The following FGF6 variants were observed in gnomAD, a reference collection of about 807,000 sequenced individuals.
The protein encoded by FGF6 is fibroblast growth factor 6.
Under a neutral mutation model 18.4 loss-of-function variants are expected in FGF6, and 14 were observed. The ratio of observed to expected loss-of-function variants is 0.76; its 90% CI spans 0.50 to 1.19. The LOEUF (loss-of-function observed/expected upper bound fraction) is 1.19. Ranked by LOEUF, FGF6 falls within the 50% of genes most tolerant of loss-of-function variation. The probability of loss-of-function intolerance (pLI) is 0.00; values close to 1 mark genes in which losing one functional copy is unlikely to be tolerated. For synonymous variants in FGF6, 125 were observed against 116.7 expected (o/e 1.07, Z -0.46); for missense variants, 266 against 271.6 (o/e 0.98, Z 0.15).
At chr12:4,435,768 G>A (rs551331848) in intron 2 of FGF6, among the ~76,000 whole-genome samples, 2 of 151,992 alleles carry the variant, frequency 1.3e-5, no homozygotes, top group Admixed American at 6.6e-5. Flanking sequence ...TCACATGAAC[G>A]CTGGACTTCC....
intron 2 of FGF6, among the ~76,000 whole-genome samples, chr12:4,436,667 C>T (rs188071044): frequency 3.2e-4 from 48 of 152,042 alleles, no homozygotes; most frequent in Non-Finnish European, 5.4e-4. Flanking sequence ...TAAGGAGACC[C>T]CTGCATGGGT....
intron 2 of FGF6, among the ~76,000 whole-genome samples, chr12:4,440,022 G>A (rs1865672559): frequency 6.6e-6 from 1 of 152,212 alleles, no homozygotes; most frequent in Admixed American, 6.5e-5. Context: ...CCTGAGCTTT[G>A]AGTTCTCATG....
chr12:4,444,668 G>A (rs1865735562), intron 1 of FGF6, among the ~76,000 whole-genome samples: 1 of 152,152 alleles, frequency 6.6e-6, no homozygotes, highest in African/African-American at 2.4e-5. Context: ...CATAGCTGAT[G>A]GCTTTCTTGG....
At chr12:4,438,587 C>T (rs756535683) in intron 2 of FGF6, among the ~76,000 whole-genome samples, 8 of 151,582 alleles carry the variant, frequency 5.3e-5, no homozygotes, top group African/African-American at 7.3e-5. Context: ...ATGGTGAAAC[C>T]GCATCTCTAC....
chr12:4,441,272 C>T (rs1302685767), intron 2 of FGF6, among the ~76,000 whole-genome samples: 1 of 152,148 alleles, frequency 6.6e-6, no homozygotes, highest in Non-Finnish European at 1.5e-5. Flanking sequence ...GTGACGTTGC[C>T]CAAAGTAAGA....
chr12:4,444,254 GC>G lies in FGF6; in HGVS notation c.347-19del. On this transcript the variant is annotated intron_variant, in intron 1 of 2. Coordinates refer to ENST00000228837, the MANE Select transcript of FGF6 (RefSeq NM_020996.3). ...CAGCAGGCCTGACAAGGAAAGGGGG[GC>G]CACATTACCTAAGGCTTGTGCAAAT... The G allele has an allele frequency of 6.5e-7, 1 of 1,541,142 alleles. No homozygotes were observed. Among genetic ancestry groups the G allele is most frequent in the Non-Finnish European group, 9.0e-7 (1 of 1,114,562 alleles).
chr12:4,445,057 A>G lies in FGF6; in HGVS notation c.346+168T>C, dbSNP rs1398679313. On this transcript the variant is annotated intron_variant, in intron 1 of 2. Coordinates refer to ENST00000228837, the MANE Select transcript of FGF6 (RefSeq NM_020996.3). The surrounding 1 kb of genome is among the most constrained non-coding windows in gnomAD (Gnocchi z 5.5). ...AACACCAGGATGCTTGGACCGCAGT[A>G]TATTGAGCTTGCACCCAGGCAGGGT... Among the ~76,000 whole-genome samples, 2 of 152,214 alleles carry G rather than the reference A, an allele frequency of 1.3e-5. No homozygotes were observed. Among genetic ancestry groups the G allele is most frequent in the Admixed American group, 6.5e-5 (1 of 15,278 alleles).
intron 2 of FGF6, 120 bp downstream of exon 2, chr12:4,444,013 A>C: frequency 1.5e-6 from 1 of 667,304 alleles, no homozygotes; most frequent in Non-Finnish European, 2.6e-6. Context: ...GGCTCCTCTC[A>C]CAGCCTTTCC....
chr12:4,438,274 C>T (rs1018280703), intron 2 of FGF6, among the ~76,000 whole-genome samples: 4 of 152,126 alleles, frequency 2.6e-5, no homozygotes, highest in Non-Finnish European at 4.4e-5. Context: ...ACTAGGAATT[C>T]TCATTTAATG....
At chr12:4,444,666 A>G (rs950206738) in intron 1 of FGF6, among the ~76,000 whole-genome samples, 1 of 152,190 alleles carries the variant, frequency 6.6e-6, no homozygotes, top group Admixed American at 6.5e-5. Flanking sequence ...ACCATAGCTG[A>G]TGGCTTTCTT....
chr12:4,441,326 C>T (rs922308101), intron 2 of FGF6, among the ~76,000 whole-genome samples: 6 of 152,118 alleles, frequency 3.9e-5, no homozygotes, highest in East Asian at 1.9e-4. Flanking sequence ...GAACTCGGGT[C>T]GCGGAGCCCT....
At chr12:4,442,699 A>C (rs1308874965) in intron 2 of FGF6, among the ~76,000 whole-genome samples, 1 of 152,174 alleles carries the variant, frequency 6.6e-6, no homozygotes, top group Non-Finnish European at 1.5e-5. Context: ...AACCTGCTCC[A>C]TCAAAACCTG....
At chr12:4,443,186 G>A (rs1865712627) in intron 2 of FGF6, among the ~76,000 whole-genome samples, 1 of 152,136 alleles carries the variant, frequency 6.6e-6, no homozygotes, top group Admixed American at 6.5e-5. Flanking sequence ...CTCCTCTGTT[G>A]GGACAGCTCC....
intron 2 of FGF6, among the ~76,000 whole-genome samples, chr12:4,438,465 G>T (rs1865648821): frequency 6.6e-6 from 1 of 152,086 alleles, no homozygotes; most frequent in Admixed American, 6.6e-5. Context: ...CAAAAACAAT[G>T]TATCTATTAA....
chr12:4,445,716 C>T lies in FGF6; in HGVS notation c.-146G>A. ...ACATGAAACCAAAGCCTCCATCGGG[C>T]ACTCGGGTTGAGAGCAGAGGGACCC... is the stretch of plus-strand genomic sequence containing the variant. On this transcript the variant is annotated 5_prime_UTR_variant, in exon 1 of 3. Transcript: ENST00000228837. The surrounding 1 kb of genome is among the most constrained non-coding windows in gnomAD (Gnocchi z 5.5). 4.4e-6 allele frequency: 3 copies of T among 688,180 alleles called. No homozygotes were observed. The highest frequency in any genetic ancestry group is 7.2e-6 in the Non-Finnish European group (3 of 417,952). The allele number at this position is 688,180 out of a possible 1,614,324, so 42.6% of individuals were successfully genotyped here.
At chr12:4,438,751 CAAAAAAAAAAAAA>C (rs386375443) in intron 2 of FGF6, among the ~76,000 whole-genome samples, 3 of 39,732 alleles carry the variant, frequency 7.6e-5, no homozygotes, top group African/African-American at 1.1e-4. Flanking sequence ...GACTCTATCT[CAAAAAAAAAAAAA>C]AAAAAAAAAA....
chr12:4,438,751 C>CAAAA lies in FGF6; in HGVS notation c.451-4364_451-4361dup, dbSNP rs386375443. On this transcript the variant is annotated intron_variant, in intron 2 of 2. Transcript: ENST00000228837. ...CTGGTGACAGAGCGAGACTCTATCT[C>CAAAA]AAAAAAAAAAAAAAAAAAAAAAAAA... 2.8e-3 allele frequency among the ~76,000 whole-genome samples: 110 copies of CAAAA among 39,712 alleles called. 27 individuals are homozygous for CAAAA. The highest frequency in any genetic ancestry group is 7.9e-3 in the Admixed American group (16 of 2,030). 26.1% of individuals were successfully genotyped at this position (39,712 alleles called of 152,430 possible). A position where few individuals can be genotyped will look rare whatever the true frequency, so the allele number is the denominator to read the frequency against.
intron 2 of FGF6, among the ~76,000 whole-genome samples, chr12:4,441,041 CTCT>C (rs1460444639): frequency 5.3e-5 from 8 of 152,226 alleles, no homozygotes; most frequent in African/African-American, 9.6e-5. Context: ...GTAAATGCGG[CTCT>C]TCTTAGTAAA....
chr12:4,435,784 C>T (rs977986608), intron 2 of FGF6, among the ~76,000 whole-genome samples: 5 of 152,162 alleles, frequency 3.3e-5, no homozygotes, highest in South Asian at 2.1e-4. Flanking sequence ...CTTCCTGTCT[C>T]GCATGCACAG....
Sources: allele counts gnomAD v4.1 joint callset (sites outside exome capture counted in the v4.1 genomes callset), GRCh38; gene constraint gnomAD v4.1.1; non-coding constraint Gnocchi (gnomAD v3.1); transcripts MANE v1.5; gene names NCBI Gene and HGNC (gene_info 2026-07-23, HGNC 2026-07-21).